MCCC1: variants seen among roughly 807,000 people sequenced by gnomAD.
The protein encoded by MCCC1 is methylcrotonyl-CoA carboxylase subunit 1, also known as methylcrotonoyl-CoA carboxylase subunit alpha, mitochondrial.
In MCCC1, 64 loss-of-function variants were observed where a neutral mutation model predicts 83.8. The ratio of observed to expected loss-of-function variants is 0.76; its 90% confidence interval spans 0.62 to 0.94. The LOEUF (loss-of-function observed/expected upper bound fraction) is 0.94, where lower values mean the gene tolerates loss of function less well. Among genes scored for constraint, MCCC1 ranks in the 40% least tolerant of loss-of-function variants. MCCC1 has a pLI of 0.00. For missense variants in MCCC1, 807 were observed against 904.7 expected, an observed-to-expected ratio of 0.89 and a Z score of 1.39; for synonymous variants, 322 against 315.4, an observed-to-expected ratio of 1.02 and a Z score of -0.22.
chr3:183,103,650 G>C (rs913016809), upstream of MCCC1, among the ~76,000 whole-genome samples: 1 of 152,208 alleles, frequency 6.6e-6, no homozygotes, highest in African/African-American at 2.4e-5. Flanking sequence ...GGTTCTCCAC[G>C]TCCCCACCAG....
chr3:183,051,104 G>C (rs999209440), intron 9 of MCCC1, among the ~76,000 whole-genome samples: 1 of 152,158 alleles, frequency 6.6e-6, no homozygotes, highest in Admixed American at 6.5e-5. Context: ...TTAGAATAGA[G>C]TTTGTCAGTT....
chr3:183,025,671 G>T, intron 15 of MCCC1, 84 bp downstream of exon 15: 1 of 1,229,496 alleles, frequency 8.1e-7, no homozygotes, highest in Non-Finnish European at 1.2e-6. Context: ...AGGCTTAAGG[G>T]AAACCAGAGA....
chr3:183,108,500 C>T lies in MCCC1; in HGVS notation c.-102+6974G>A, dbSNP rs116501902. On this transcript the variant is annotated intron_variant, in intron 1 of 17. Transcript: ENST00000492597. ...TTGACATTCCATATGGTTTTGTCTC[C>T]GAGAGGTAGAATTGTGTTTCATTCT... Among the ~76,000 whole-genome samples the T allele has an allele frequency of 6.9e-3, 1,043 of 152,154 alleles. 11 individuals carry two copies. Among genetic ancestry groups the T allele is most frequent in the African/African-American group, 0.023 (972 of 41,506 alleles).
At chr3:183,033,570 G>A (rs140553475) in intron 14 of MCCC1, among the ~76,000 whole-genome samples, 133 of 152,096 alleles carry the variant, frequency 8.7e-4, no homozygotes, top group African/African-American at 3.0e-3. Context: ...GTGGGTAATC[G>A]TCCCTCTCTG....
chr3:183,034,077 T>C lies in MCCC1; in HGVS notation c.1595A>G (p.Asp532Gly), dbSNP rs756076414. The change falls in exon 14 of 19, where the codon GAT becomes GGT. Residue 532 changes from aspartate (D) to glycine (G), a missense_variant and splice_region_variant. Transcript: ENST00000265594. ...MTDTFTLQAHDQFSPFSSSSG... is the reference protein window; with the variant it reads ...MTDTFTLQAHGQFSPFSSSSG... Reference sequence around the variant, plus strand: ...GCTAGACGAAAATGGAGAGAATTGATCTAGAAAAAATTTAAAATTCAGTAA... The same window carrying C: ...GCTAGACGAAAATGGAGAGAATTGACCTAGAAAAAATTTAAAATTCAGTAA... 5 of 1,604,492 alleles carry C rather than the reference T, an allele frequency of 3.1e-6. No individual in the cohort carries two copies. In the Admixed American group the frequency reaches 6.7e-5, roughly 21 times the overall value.
At chr3:183,099,311 G>A (rs1345211072) in intron 1 of MCCC1, 41 bp downstream of exon 1, 13 of 1,555,006 alleles carry the variant, frequency 8.4e-6, no homozygotes, top group African/African-American at 1.4e-5. Context: ...TGCACCCCTC[G>A]CTCCCGCCTC....
chr3:183,115,053 CCT>C (rs1418062237), intron 1 of MCCC1, among the ~76,000 whole-genome samples: 7 of 152,174 alleles, frequency 4.6e-5, no homozygotes, highest in Admixed American at 4.6e-4. Context: ...AGTTCTGGGA[CCT>C]CTCTCCTACC....
At chr3:183,038,144 T>C (rs946474711) in intron 12 of MCCC1, among the ~76,000 whole-genome samples, 3 of 152,184 alleles carry the variant, frequency 2.0e-5, no homozygotes, top group African/African-American at 7.2e-5. Flanking sequence ...GCCTTCACAG[T>C]CTCTGCTTAC....
chr3:183,050,081 G>A (rs1714846616), intron 9 of MCCC1, among the ~76,000 whole-genome samples: 1 of 151,820 alleles, frequency 6.6e-6, no homozygotes, highest in Non-Finnish European at 1.5e-5. Flanking sequence ...GGCCAGGTAT[G>A]GTGGCTCACG....
chr3:183,032,670 C>T (rs1261559415), intron 14 of MCCC1, among the ~76,000 whole-genome samples: 3 of 151,978 alleles, frequency 2.0e-5, no homozygotes, highest in Non-Finnish European at 4.4e-5. Flanking sequence ...GTCAGGAGAT[C>T]GAGACTATCC....
chr3:183,060,464 C>G (rs576740560), intron 7 of MCCC1, among the ~76,000 whole-genome samples: 1 of 152,152 alleles, frequency 6.6e-6, no homozygotes, highest in Non-Finnish European at 1.5e-5. Flanking sequence ...GCAGACAGAA[C>G]AAACGTGAGA....
At chr3:183,104,007 C>T (rs967477937), upstream of MCCC1, among the ~76,000 whole-genome samples, 50 of 152,178 alleles carry the variant, frequency 3.3e-4, no homozygotes, top group Non-Finnish European at 5.6e-4. Context: ...CCCCTCATTG[C>T]CCCGGGCCGG....
At chr3:183,028,283 C>A (rs573824054) in intron 14 of MCCC1, among the ~76,000 whole-genome samples, 12 of 152,280 alleles carry the variant, frequency 7.9e-5, no homozygotes, top group Admixed American at 7.8e-4. Flanking sequence ...CTCAATAGTG[C>A]TCAGATAAAA....
At chr3:183,073,326 T>C (rs1053248296) in intron 4 of MCCC1, among the ~76,000 whole-genome samples, 3 of 152,206 alleles carry the variant, frequency 2.0e-5, no homozygotes, top group Non-Finnish European at 2.9e-5. Flanking sequence ...ATTCTGTCTC[T>C]GTGTAAAACT....
At chr3:183,019,705 C>T (rs970532211) in intron 17 of MCCC1, among the ~76,000 whole-genome samples, 15 of 152,180 alleles carry the variant, frequency 9.9e-5, no homozygotes, top group Non-Finnish European at 1.5e-4. Context: ...AACACCAAAC[C>T]GTACTGTTCT....
chr3:183,039,707 T>C (rs1165667851), intron 11 of MCCC1, among the ~76,000 whole-genome samples: 1 of 152,050 alleles, frequency 6.6e-6, no homozygotes, highest in Non-Finnish European at 1.5e-5. Context: ...ATGGTTCAAG[T>C]AGAAAGGATG....
intron 4 of MCCC1, among the ~76,000 whole-genome samples, chr3:183,077,565 C>T (rs1017329836): frequency 6.6e-6 from 1 of 152,096 alleles, no homozygotes; most frequent in Non-Finnish European, 1.5e-5. Context: ...AAATATTTTG[C>T]TCATTTTTTT....
rs537086294 is a variant in MCCC1 at position 183,054,249 on chromosome 3, G to T, written c.874-2009C>A. ...CGCCCAGGCTGGAGTGCAGTGGCGC[G>T]ATCTCGGCTCACTGCAAGCTCCGCC... On this transcript the variant is annotated intron_variant, in intron 8 of 18. Transcript: ENST00000265594. Among the ~76,000 whole-genome samples the T allele has an allele frequency of 1.4e-3, 202 of 148,642 alleles. 1 individual carries two copies. Among genetic ancestry groups the T allele is most frequent in the Non-Finnish European group, 2.3e-3 (155 of 67,524 alleles).
intron 4 of MCCC1, among the ~76,000 whole-genome samples, chr3:183,073,554 T>C (rs1716851557): frequency 6.6e-6 from 1 of 152,248 alleles, no homozygotes; most frequent in African/African-American, 2.4e-5. Flanking sequence ...TGATACCAAT[T>C]TGACCACGCT....
Sources: allele counts gnomAD v4.1 joint callset (sites outside exome capture counted in the v4.1 genomes callset), GRCh38; gene constraint gnomAD v4.1.1; transcripts MANE v1.5; gene names NCBI Gene and HGNC (gene_info 2026-07-23, HGNC 2026-07-21).